FRMD4A: variants seen among roughly 807,000 people sequenced by gnomAD.
FRMD4A encodes FERM domain-containing protein 4A.
In FRMD4A, 29 loss-of-function variants were observed where a neutral mutation model predicts 129.1. The ratio of observed to expected loss-of-function variants is 0.22; its 90% confidence interval spans 0.17 to 0.31. The LOEUF is 0.31. Ranked by LOEUF, FRMD4A falls within the 10% of genes least tolerant of loss-of-function variation. The pLI is 1.00. For missense variants in FRMD4A, 1,272 were observed against 1,375.8 expected (o/e 0.92, Z 1.19); for synonymous variants, 634 against 571.6 (o/e 1.11, Z -1.56).
intron 2 of FRMD4A, among the ~76,000 whole-genome samples, chr10:14,154,463 C>T (rs1459225244): frequency 1.3e-5 from 2 of 152,138 alleles, no homozygotes; most frequent in Non-Finnish European, 2.9e-5. Context: ...TACTTCTAGA[C>T]CCCCAGTGCT....
At chr10:14,153,522 T>C (rs1840444048) in intron 2 of FRMD4A, among the ~76,000 whole-genome samples, 1 of 152,156 alleles carries the variant, frequency 6.6e-6, no homozygotes, top group Admixed American at 6.5e-5. Flanking sequence ...TGGTATAAAA[T>C]TGGAATAATT....
rs779491003 is a variant in FRMD4A, at chr10:14,176,683, C to T, written c.45+153375G>A. ...AGAGATGGCGTTTCACCATGTTGGC[C>T]AGGATGGTCTCAATCTCCTGACCTC... On this transcript the variant is annotated intron_variant, in intron 2 of 24. Coordinates refer to ENST00000357447, the MANE Select transcript of FRMD4A (RefSeq NM_018027.5). 2.6e-5 allele frequency among the ~76,000 whole-genome samples: 4 copies of T among 152,008 alleles called. No individual in the cohort carries two copies. The East Asian group carries it at 5.8e-4, about 22-fold the overall frequency.
intron 2 of FRMD4A, among the ~76,000 whole-genome samples, chr10:14,317,030 G>A: frequency 6.6e-6 from 1 of 152,138 alleles, no homozygotes; most frequent in Non-Finnish European, 1.5e-5. Flanking sequence ...TCGCTCAATT[G>A]TATGACTTTA....
chr10:14,137,007 C>T (rs557546091), intron 2 of FRMD4A, among the ~76,000 whole-genome samples: 2 of 152,366 alleles, frequency 1.3e-5, no homozygotes, highest in South Asian at 4.1e-4. Context: ...ATATCACTCA[C>T]CTGCTCCCCA....
chr10:13,721,447 A>T (rs1349918901), intron 12 of FRMD4A, among the ~76,000 whole-genome samples: 3 of 152,104 alleles, frequency 2.0e-5, no homozygotes, highest in Non-Finnish European at 2.9e-5. Context: ...GCGCCACTGC[A>T]CTCCAGCATG....
At chr10:13,924,076 A>C (rs1439668999) in intron 2 of FRMD4A, among the ~76,000 whole-genome samples, 1 of 152,214 alleles carries the variant, frequency 6.6e-6, no homozygotes, top group African/African-American at 2.4e-5. Flanking sequence ...AAAGTTAAGA[A>C]GAAGCTTTTT....
chr10:13,735,346 A>C (rs2090570828), intron 12 of FRMD4A, among the ~76,000 whole-genome samples: 1 of 152,204 alleles, frequency 6.6e-6, no homozygotes, highest in Admixed American at 6.5e-5. Flanking sequence ...CTGGAAAACT[A>C]TATTGACCTT....
chr10:13,656,449 C>CG, intron 22 of FRMD4A, among the ~76,000 whole-genome samples, 187 bp downstream of exon 22: 1 of 152,256 alleles, frequency 6.6e-6, no homozygotes, highest in Non-Finnish European at 1.5e-5. Flanking sequence ...TAGAACGGGG[C>CG]GGGGTCAACA....
At chr10:14,140,095 TC>T (rs1482949088) in intron 2 of FRMD4A, among the ~76,000 whole-genome samples, 2 of 152,210 alleles carry the variant, frequency 1.3e-5, no homozygotes, top group Non-Finnish European at 2.9e-5. Context: ...GGAATCTCAC[TC>T]TGTTACCCAG....
At position 14,108,892 on chromosome 10, in the gene FRMD4A, C is replaced by T. The variant is rs147128012; in HGVS notation, c.45+221166G>A. On this transcript the variant is annotated intron_variant, in intron 2 of 24. Coordinates refer to ENST00000357447, the MANE Select transcript of FRMD4A (RefSeq NM_018027.5). ...GCAAGAGCAAAATTCCTATGGACTCCTACAATCTCAAAGTCTCTGGCTGCC... is the reference window on the plus strand; with the variant it reads ...GCAAGAGCAAAATTCCTATGGACTCTTACAATCTCAAAGTCTCTGGCTGCC... Among the ~76,000 whole-genome samples, 17 of 152,222 alleles carry T rather than the reference C, an allele frequency of 1.1e-4. No individual in the cohort carries two copies. In the East Asian group the frequency reaches 3.1e-3, roughly 28 times the overall value.
chr10:13,661,613 G>A (rs1161655622), intron 19 of FRMD4A, among the ~76,000 whole-genome samples: 1 of 152,158 alleles, frequency 6.6e-6, no homozygotes, highest in African/African-American at 2.4e-5. Context: ...GCGTCGGAGT[G>A]AAAAATCCTG....
At chr10:14,187,865 C>T (rs1265866361) in intron 2 of FRMD4A, among the ~76,000 whole-genome samples, 1 of 152,194 alleles carries the variant, frequency 6.6e-6, no homozygotes, top group East Asian at 1.9e-4. Context: ...AAAACAGAGA[C>T]ATAAAACATG....
chr10:14,011,414 A>C (rs1437040159), intron 2 of FRMD4A, among the ~76,000 whole-genome samples: 1 of 152,088 alleles, frequency 6.6e-6, no homozygotes, highest in Non-Finnish European at 1.5e-5. Flanking sequence ...GGGCCAGGTC[A>C]CCTAGTGGAG....
At chr10:14,330,455 G>A (rs1160462996) in intron 1 of FRMD4A, 142 bp downstream of exon 1, 2 of 399,696 alleles carry the variant, frequency 5.0e-6, no homozygotes, top group South Asian at 8.6e-5. Context: ...TGCTACCTTC[G>A]CCCTGGCAGC....
chr10:14,117,743 T>A (rs1409748), intron 2 of FRMD4A, among the ~76,000 whole-genome samples: 22,774 of 152,202 alleles, frequency 0.15, 1,793 homozygotes, highest in Non-Finnish European at 0.19. Context: ...ATATTTCTTG[T>A]GTACCTGTCA....
At chr10:13,822,502 C>T (rs1482456434) in intron 3 of FRMD4A, among the ~76,000 whole-genome samples, 1 of 152,180 alleles carries the variant, frequency 6.6e-6, no homozygotes, top group Non-Finnish European at 1.5e-5. Flanking sequence ...CAGTAGGTGC[C>T]TAATGAAAGT....
intron 2 of FRMD4A, among the ~76,000 whole-genome samples, chr10:14,121,465 A>G (rs977811562): frequency 3.3e-5 from 5 of 152,222 alleles, no homozygotes; most frequent in African/African-American, 4.8e-5. Flanking sequence ...ATTTCTAACA[A>G]GCCACCAGGT....
chr10:13,986,523 G>A (rs2095581959), intron 2 of FRMD4A, among the ~76,000 whole-genome samples: 2 of 139,582 alleles, frequency 1.4e-5, no homozygotes, highest in African/African-American at 2.6e-5. Context: ...GGGAGGGATA[G>A]CATTAGGAGA....
chr10:14,307,017 C>A (rs7898492), intron 2 of FRMD4A, among the ~76,000 whole-genome samples: 29,149 of 152,124 alleles, frequency 0.19, 3,130 homozygotes, highest in Middle Eastern at 0.29. Context: ...GAACCAGGGA[C>A]ATGCAAAACA....
Sources: allele counts gnomAD v4.1 joint callset (sites outside exome capture counted in the v4.1 genomes callset), GRCh38; gene constraint gnomAD v4.1.1; transcripts MANE v1.5; gene names NCBI Gene and HGNC (gene_info 2026-07-23, HGNC 2026-07-21).